SKIL: variants seen among roughly 807,000 people sequenced by gnomAD.
SKIL encodes SKI like proto-oncogene.
Under a neutral mutation model 69.6 loss-of-function variants are expected in SKIL, and 20 were observed. The observed-to-expected ratio is 0.29, with a 90% CI of 0.20 to 0.42. SKIL has a LOEUF of 0.42. SKIL is among the 10% of genes least tolerant of loss of function. The probability of loss-of-function intolerance (pLI) is 1.00; values close to 1 mark genes in which losing one functional copy is unlikely to be tolerated. For synonymous variants in SKIL, 310 were observed against 279.9 expected (o/e 1.11, Z -1.08); for missense variants, 745 against 783.1 (o/e 0.95, Z 0.58).
Position 170,361,262 on chromosome 3 carries a change from C to A in SKIL, c.931C>A (p.Pro311Thr). The A allele has an allele frequency of 6.2e-7, 1 of 1,614,166 alleles. No individual in the cohort carries two copies. The highest frequency in any genetic ancestry group is 1.3e-5 in the African/African-American group (1 of 75,048). The part of the protein sequence containing the change: ...QTFVMHSHRS[P>T]DKRTCHWGFE... The stretch of plus-strand genomic sequence containing the variant: ...GTTTGTGATGCATTCTCACAGATCA[C>A]CTGACAAAAGAACTTGCCACTGGGG... Residue 311 changes from proline (P) to threonine (T), a missense_variant, in exon 2 of 7, where the codon CCT becomes ACT. Physicochemically the swap from Pro to Thr is conservative, Grantham distance 38. Coordinates refer to ENST00000259119, the MANE Select transcript of SKIL (RefSeq NM_005414.5).
Position 170,391,212 on chromosome 3 carries a change from C to T in SKIL, c.1848C>T (p.Thr616=). ...KLEQIMKQKC[T]CDSNLEKDKE... is the part of the protein sequence containing the mutation. Reference sequence around the variant, plus strand: ...AGCAGATAATGAAGCAAAAATGTACCTGTGACTCAAATTTAGAAAAAGACA... The same window carrying T: ...AGCAGATAATGAAGCAAAAATGTACTTGTGACTCAAATTTAGAAAAAGACA... Residue 616 remains threonine (T), a synonymous_variant, in exon 6 of 7, where the codon ACC becomes ACT. Coordinates refer to ENST00000259119, the MANE Select transcript of SKIL (RefSeq NM_005414.5). 3 of 1,612,282 alleles carry T rather than the reference C, an allele frequency of 1.9e-6. No homozygotes were observed. The highest frequency in any genetic ancestry group is 2.5e-6 in the Non-Finnish European group (3 of 1,178,790).
chr3:170,366,696 G>GACAGACAC (rs1553852252), intron 2 of SKIL, among the ~76,000 whole-genome samples: 2 of 147,692 alleles, frequency 1.4e-5, no homozygotes, highest in Admixed American at 6.7e-5. Flanking sequence ...CACACACACA[G>GACAGACAC]ACACACACAC....
Position 170,392,566 on chromosome 3 carries a change from A to G in SKIL, c.*149A>G, listed in dbSNP as rs1458637158. 2.2e-6 allele frequency: 1 copy of G among 449,090 alleles called. No homozygotes were observed. 27.8% of individuals were successfully genotyped at this position (449,090 alleles called of 1,614,324 possible). On this transcript the variant is annotated 3_prime_UTR_variant, in exon 7 of 7. Transcript: ENST00000259119. ...AGATCAGAGAAAGTGAAGAGATTATATATTAGTACTTAAATTTTTACATTT... is the reference window on the plus strand; with the variant it reads ...AGATCAGAGAAAGTGAAGAGATTATGTATTAGTACTTAAATTTTTACATTT...
At chr3:170,377,958 G>A (rs1023569008) in intron 2 of SKIL, among the ~76,000 whole-genome samples, 5 of 150,526 alleles carry the variant, frequency 3.3e-5, no homozygotes, top group Non-Finnish European at 7.4e-5. Flanking sequence ...CAATGGCGCC[G>A]TCTCGGCTCA....
At chr3:170,382,478 G>A (rs1737404169) in intron 3 of SKIL, among the ~76,000 whole-genome samples, 2 of 150,866 alleles carry the variant, frequency 1.3e-5, no homozygotes, top group Non-Finnish European at 2.9e-5. Flanking sequence ...GCAGTGGCAG[G>A]ATCTTGGCTC....
chr3:170,385,612 G>A (rs974472408), intron 4 of SKIL, among the ~76,000 whole-genome samples: 4 of 152,106 alleles, frequency 2.6e-5, no homozygotes, highest in African/African-American at 9.7e-5. Flanking sequence ...TTAAAATACT[G>A]TGGATTAAAT....
chr3:170,371,181 C>G (rs1341529796), intron 2 of SKIL, among the ~76,000 whole-genome samples: 1 of 152,112 alleles, frequency 6.6e-6, no homozygotes, highest in Non-Finnish European at 1.5e-5. Flanking sequence ...TGTGCAAAAG[C>G]ATTTCTAGAG....
rs1030278825 is a variant in SKIL at position 170,393,728 on chromosome 3, G to A, written c.*1311G>A. 4 of 151,958 alleles carry A rather than the reference G, an allele frequency of 2.6e-5. No homozygotes were observed. The highest frequency in any genetic ancestry group is 9.7e-5 in the African/African-American group (4 of 41,390). 9.4% of individuals were successfully genotyped at this position (151,958 alleles called of 1,614,324 possible). ...TCATTAATTGACATTATTACCCCAT[G>A]GATTTTATGGGATAATAAATGTTTT... is the stretch of plus-strand genomic sequence containing the variant. On this transcript the variant is annotated 3_prime_UTR_variant, in exon 7 of 7. Transcript: ENST00000259119.
intron 4 of SKIL, chr3:170,385,144 A>C (rs1432538928): frequency 6.2e-6 from 1 of 162,418 alleles, no homozygotes; most frequent in African/African-American, 2.5e-5. Flanking sequence ...CAGTGGTGAG[A>C]TTGCGGTCAC....
chr3:170,394,028 A>T lies in SKIL; in HGVS notation c.*1611A>T, dbSNP rs954763335. On this transcript the variant is annotated 3_prime_UTR_variant, in exon 7 of 7. Coordinates refer to ENST00000259119, the MANE Select transcript of SKIL (RefSeq NM_005414.5). ...TGTGTGTTTTCTATTTTCCATTTAA[A>T]TTTTGCTATATTAAGACTAATTTAA... The T allele has an allele frequency of 4.0e-5, 6 of 151,724 alleles. No individual in the cohort carries two copies. The highest frequency in any genetic ancestry group is 1.3e-4 in the Admixed American group (2 of 15,216). 9.4% of individuals were successfully genotyped at this position (151,724 alleles called of 1,614,324 possible).
chr3:170,395,592 A>G lies in SKIL; in HGVS notation c.*3175A>G, dbSNP rs1388283978. On this transcript the variant is annotated 3_prime_UTR_variant, in exon 7 of 7. Transcript: ENST00000259119. ...TGAAGGAAGGTAAAGTTATAAGGAA[A>G]CTCAAATACTATAAGATGTGTCAAG... is the stretch of plus-strand genomic sequence containing the variant. 6.6e-6 allele frequency: 1 copy of G among 152,070 alleles called. No individual in the cohort carries two copies. Among genetic ancestry groups the G allele is most frequent in the African/African-American group, 2.4e-5 (1 of 41,436 alleles). 9.4% of individuals were successfully genotyped at this position (152,070 alleles called of 1,614,324 possible).
At chr3:170,364,315 T>A (rs1349641815) in intron 2 of SKIL, among the ~76,000 whole-genome samples, 1 of 6,416 alleles carries the variant, frequency 1.6e-4, no homozygotes, top group Admixed American at 2.2e-3. Flanking sequence ...TCCCGTCTTT[T>A]TTTTTTTTTT....
chr3:170,362,001 C>T (rs557766837), intron 2 of SKIL, among the ~76,000 whole-genome samples: 2 of 152,200 alleles, frequency 1.3e-5, no homozygotes, highest in Non-Finnish European at 2.9e-5. Context: ...GCAAATGGTA[C>T]AATGGCCACA....
intron 2 of SKIL, among the ~76,000 whole-genome samples, chr3:170,378,315 G>A (rs149779921): frequency 6.6e-6 from 1 of 152,174 alleles, no homozygotes; most frequent in African/African-American, 2.4e-5. Flanking sequence ...TTACTTGTCA[G>A]ATCTCTCCCA....
intron 2 of SKIL, among the ~76,000 whole-genome samples, chr3:170,379,021 T>C (rs961098491): frequency 6.6e-6 from 1 of 151,676 alleles, no homozygotes; most frequent in Non-Finnish European, 1.5e-5. Flanking sequence ...GGATTACAAG[T>C]GCGTACCACC....
At position 170,391,270 on chromosome 3, in the gene SKIL, ACT is replaced by A; in HGVS notation, c.1896+11_1896+12del. 6.9e-7 allele frequency: 1 copy of A among 1,457,756 alleles called. No homozygotes were observed. The highest frequency in any genetic ancestry group is 1.4e-5 in the African/African-American group (1 of 71,020). The allele number at this position is 1,457,756 out of a possible 1,614,324, so 90.3% of individuals were successfully genotyped here. On this transcript the variant is annotated intron_variant, in intron 6 of 6. Transcript: ENST00000259119. ...TGAATATGCAGGACAGGTAAGAATT[ACT>A]GTTTGTATAATGGTGCCCTTTCAGC...
chr3:170,360,063 A>G lies in SKIL; in HGVS notation c.-269A>G. The G allele has an allele frequency of 3.0e-6, 1 of 330,440 alleles. No homozygotes were observed. Among genetic ancestry groups the G allele is most frequent in the Non-Finnish European group, 5.5e-6 (1 of 183,080 alleles). The allele number at this position is 330,440 out of a possible 1,614,324, so 20.5% of individuals were successfully genotyped here. A position where few individuals can be genotyped will look rare whatever the true frequency, so the allele number is the denominator to read the frequency against. On this transcript the variant is annotated 5_prime_UTR_variant, in exon 2 of 7. Coordinates refer to ENST00000259119, the MANE Select transcript of SKIL (RefSeq NM_005414.5). Reference sequence around the variant, plus strand: ...TATGTATATCTGAAGAATTCAAGAAAACAAAGGCATCCTCAGAGGTGTGCC... The same window carrying G: ...TATGTATATCTGAAGAATTCAAGAAGACAAAGGCATCCTCAGAGGTGTGCC...
intron 1 of SKIL, among the ~76,000 whole-genome samples, chr3:170,358,100 A>T (rs916044574): frequency 6.6e-6 from 1 of 152,024 alleles, no homozygotes; most frequent in Non-Finnish European, 1.5e-5. Flanking sequence ...CCAGTCCAGC[A>T]GCGCTCCGCG....
chr3:170,361,505 T>G (rs780355792), intron 2 of SKIL, 76 bp downstream of exon 2: 6 of 1,110,362 alleles, frequency 5.4e-6, no homozygotes, highest in Non-Finnish European at 7.8e-6. Flanking sequence ...AGTGTGTAAC[T>G]TAACCTGTAT....
Sources: gnomAD v4.1 joint callset for allele counts (sites outside exome capture counted in the v4.1 genomes callset) on GRCh38, gnomAD v4.1.1 for gene constraint, MANE v1.5 for transcripts, NCBI Gene and HGNC (gene_info 2026-07-23, HGNC 2026-07-21) for gene names.